The following EPB41L5 variants were observed in gnomAD, a reference collection of about 807,000 sequenced individuals.
The protein encoded by EPB41L5 is band 4.1-like protein 5.
EPB41L5 carries 55 observed loss-of-function variants against 106.6 expected under a neutral mutation model. The ratio of observed to expected loss-of-function variants is 0.52; its 90% confidence interval spans 0.42 to 0.65. EPB41L5 has a LOEUF of 0.65. Among genes scored for constraint, EPB41L5 ranks in the 30% least tolerant of loss-of-function variants. The pLI, the probability that EPB41L5 is intolerant of heterozygous loss-of-function variation, is 0.00. For missense variants in EPB41L5, 871 were observed against 882.1 expected, an observed-to-expected ratio of 0.99 and a Z score of 0.16; for synonymous variants, 297 against 306.7, an observed-to-expected ratio of 0.97 and a Z score of 0.33.
At position 120,177,284 on chromosome 2, in the gene EPB41L5, G is replaced by C. The variant is rs1687953448; in HGVS notation, c.*2377G>C. 1 of 152,630 alleles carries C rather than the reference G, an allele frequency of 6.6e-6. No individual in the cohort carries two copies. The highest frequency in any genetic ancestry group is 2.4e-5 in the African/African-American group (1 of 41,376). 9.5% of individuals were successfully genotyped at this position (152,630 alleles called of 1,614,324 possible). A position where few individuals can be genotyped will look rare whatever the true frequency, so the allele number is the denominator to read the frequency against. On this transcript the variant is annotated 3_prime_UTR_variant, in exon 25 of 25. Transcript: ENST00000263713. ...CCGGCATCCTTGATGGGTTCAAAGA[G>C]AAAGGTTGGAGATGATAGTGGGTGA...
At chr2:120,015,335 A>T (rs934737551) in intron 1 of EPB41L5, among the ~76,000 whole-genome samples, 2 of 151,524 alleles carry the variant, frequency 1.3e-5, no homozygotes, top group African/African-American at 4.9e-5. Flanking sequence ...AAAAAAAAAA[A>T]ATTAGGTGGG....
rs1168936184 is a variant in EPB41L5, at chr2:120,075,531, G to C, written c.452+11G>C. 6.5e-7 allele frequency: 1 copy of C among 1,532,984 alleles called. No individual in the cohort carries two copies. The highest frequency in any genetic ancestry group is 9.0e-7 in the Non-Finnish European group (1 of 1,109,278). The allele number at this position is 1,532,984 out of a possible 1,614,324, so 95.0% of individuals were successfully genotyped here. A position where few individuals can be genotyped will look rare whatever the true frequency, so the allele number is the denominator to read the frequency against. On this transcript the variant is annotated intron_variant, in intron 6 of 24. Coordinates refer to ENST00000263713, the MANE Select transcript of EPB41L5 (RefSeq NM_020909.4). ...TATTCTCAGTGGAAAGTGAGTATTA[G>C]TTATTTAAGGATAAATGCACATTTT...
intron 22 of EPB41L5, among the ~76,000 whole-genome samples, chr2:120,166,176 C>T (rs1687397714): frequency 6.6e-6 from 1 of 151,872 alleles, no homozygotes; most frequent in African/African-American, 2.4e-5. Flanking sequence ...ATTGCTGGGC[C>T]CCACCTCCAA....
At chr2:120,049,278 T>G (rs1025913747) in intron 3 of EPB41L5, among the ~76,000 whole-genome samples, 1 of 152,182 alleles carries the variant, frequency 6.6e-6, no homozygotes, top group Non-Finnish European at 1.5e-5. Context: ...AGTCTCCCAT[T>G]ATTATTGTGT....
chr2:120,173,770 A>G (rs1002005557), intron 24 of EPB41L5, among the ~76,000 whole-genome samples: 3 of 152,148 alleles, frequency 2.0e-5, no homozygotes, highest in Non-Finnish European at 2.9e-5. Flanking sequence ...GCAACCTCCA[A>G]TTCCTGGGCT....
chr2:120,042,875 C>T (rs561487022), intron 3 of EPB41L5, among the ~76,000 whole-genome samples: 1 of 152,024 alleles, frequency 6.6e-6, no homozygotes, highest in African/African-American at 2.4e-5. Context: ...AGATTGAAGT[C>T]AGGGAAAGTT....
chr2:120,049,803 A>G (rs1665076), intron 3 of EPB41L5, among the ~76,000 whole-genome samples: 151,918 of 152,262 alleles, frequency 1, 75,789 homozygotes, highest in Middle Eastern at 1. Context: ...GGCTGGTACC[A>G]GTTGTTCCTT....
chr2:120,173,873 C>T (rs979848731), intron 24 of EPB41L5, among the ~76,000 whole-genome samples: 88 of 152,236 alleles, frequency 5.8e-4, no homozygotes, highest in African/African-American at 1.8e-3. Context: ...GTTGTAAATA[C>T]GTCATCTCAC....
chr2:120,036,319 A>G (rs1485680091), intron 2 of EPB41L5, among the ~76,000 whole-genome samples: 6 of 152,212 alleles, frequency 3.9e-5, no homozygotes, highest in Admixed American at 1.3e-4. Context: ...AGTTGTTTGT[A>G]TAATGGAAAG....
In EPB41L5 at chr2:120,165,636, T is replaced by C. The variant is rs1687364512; in HGVS notation, c.1962+726T>C. Among the ~76,000 whole-genome samples, 3 of 152,158 alleles carry C rather than the reference T, an allele frequency of 2.0e-5. No homozygotes were observed. In the South Asian group the frequency reaches 6.2e-4, roughly 32 times the overall value. On this transcript the variant is annotated intron_variant, in intron 22 of 24. Transcript: ENST00000263713. ...CAACTCATGGATATGGAGGGCCAAC[T>C]GAAACAGTTCCTTCCCTCCAGGGAT...
At chr2:120,144,010 A>T (rs867246924) in intron 19 of EPB41L5, among the ~76,000 whole-genome samples, 1 of 152,188 alleles carries the variant, frequency 6.6e-6, no homozygotes, top group African/African-American at 2.4e-5. Context: ...ATTAAAGGAC[A>T]TGGAATAGTG....
chr2:120,061,690 A>G (rs1007363464), intron 3 of EPB41L5, among the ~76,000 whole-genome samples: 12 of 152,280 alleles, frequency 7.9e-5, no homozygotes, highest in South Asian at 4.1e-4. Context: ...AGTTAGTTAG[A>G]TGGTAGGTAT....
At chr2:120,055,645 TAGTTTA>T (rs1286195365) in intron 3 of EPB41L5, among the ~76,000 whole-genome samples, 1 of 151,990 alleles carries the variant, frequency 6.6e-6, no homozygotes, top group African/African-American at 2.4e-5. Context: ...CAATGTTTTA[TAGTTTA>T]AGTTTATAGA....
intron 17 of EPB41L5, among the ~76,000 whole-genome samples, chr2:120,128,286 C>CACACACACACACACAT (rs1455553342): frequency 1.3e-5 from 2 of 151,950 alleles, no homozygotes; most frequent in African/African-American, 4.8e-5. Flanking sequence ...CACACACACA[C>CACACACACACACACAT]ACACATTTTT....
At chr2:120,087,954 T>G (rs1038297843) in intron 11 of EPB41L5, among the ~76,000 whole-genome samples, 2 of 152,170 alleles carry the variant, frequency 1.3e-5, no homozygotes, top group Admixed American at 6.5e-5. Flanking sequence ...ATTTAAAAAA[T>G]TATGTATTGA....
At chr2:120,075,600 T>A in intron 6 of EPB41L5, 80 bp downstream of exon 6, 1 of 1,425,812 alleles carries the variant, frequency 7.0e-7, no homozygotes. Context: ...TTTATAGTTG[T>A]AAAAAAGAAA....
chr2:120,050,989 A>T (rs925316281), intron 3 of EPB41L5, among the ~76,000 whole-genome samples: 11 of 152,220 alleles, frequency 7.2e-5, no homozygotes, highest in Non-Finnish European at 1.5e-4. Flanking sequence ...GCTGAACAGC[A>T]AATGTTGCTG....
chr2:120,081,458 A>G (rs1682662047), intron 10 of EPB41L5, among the ~76,000 whole-genome samples: 1 of 152,124 alleles, frequency 6.6e-6, no homozygotes, highest in Non-Finnish European at 1.5e-5. Flanking sequence ...GTTCTGTTCC[A>G]TTGGTCTATA....
At chr2:120,033,778 T>A (rs1310621991) in intron 2 of EPB41L5, among the ~76,000 whole-genome samples, 3 of 151,786 alleles carry the variant, frequency 2.0e-5, no homozygotes, top group Admixed American at 2.0e-4. Context: ...CCGCAATTAC[T>A]TTTGTACCAA....
Sources: allele counts gnomAD v4.1 joint callset (sites outside exome capture counted in the v4.1 genomes callset), GRCh38; gene constraint gnomAD v4.1.1; transcripts MANE v1.5; gene names NCBI Gene and HGNC (gene_info 2026-07-23, HGNC 2026-07-21).